Variants in ATRNL1 observed in about 807,000 individuals in gnomAD.
The protein encoded by ATRNL1 is attractin like 1.
ATRNL1 carries 95 observed loss-of-function variants against 182.7 expected under a neutral mutation model. That is an observed-to-expected ratio of 0.52 (90% CI 0.44 to 0.62). The LOEUF is 0.62. Ranked by LOEUF, ATRNL1 falls within the 20% of genes least tolerant of loss-of-function variation. The pLI is 0.00. For synonymous variants in ATRNL1, 576 were observed against 568.3 expected (o/e 1.01, Z -0.19); for missense variants, 1,471 against 1,679.5 (o/e 0.88, Z 2.17).
chr10:115,834,730 AC>A (rs1950631123), intron 27 of ATRNL1, among the ~76,000 whole-genome samples: 1 of 152,038 alleles, frequency 6.6e-6, no homozygotes, highest in Non-Finnish European at 1.5e-5. Flanking sequence ...GTCACCTCAC[AC>A]CTTCCCCTAC....
At chr10:115,356,987 T>G (rs1338542382) in intron 19 of ATRNL1, among the ~76,000 whole-genome samples, 9 of 151,944 alleles carry the variant, frequency 5.9e-5, no homozygotes, top group African/African-American at 1.9e-4. Context: ...GAGAAACTAT[T>G]ATTTTGTCTA....
Position 115,129,387 on chromosome 10 carries a change from T to C in ATRNL1, c.681T>C (p.Val227=). 1 of 1,614,054 alleles carries C rather than the reference T, an allele frequency of 6.2e-7. No homozygotes were observed. The highest frequency in any genetic ancestry group is 8.5e-7 in the Non-Finnish European group (1 of 1,179,904). ...GGAAGTGTACAACTAGTGTCTCTGT[T>C]CCAAGTCAAGTATATTGTGAATGTG... is the stretch of plus-strand genomic sequence containing the variant. The part of the protein sequence containing the change: ...GHGKCTTSVS[V]PSQVYCECDK... The change falls in exon 5 of 29, where the codon GTT becomes GTC. Residue 227 remains valine, a synonymous_variant. Coordinates refer to ENST00000355044, the MANE Select transcript of ATRNL1 (RefSeq NM_207303.4).
intron 19 of ATRNL1, among the ~76,000 whole-genome samples, chr10:115,342,603 G>T (rs1468135769): frequency 1.3e-5 from 2 of 152,102 alleles, no homozygotes; most frequent in Non-Finnish European, 2.9e-5. Flanking sequence ...GTCTTTCTAT[G>T]TAGGATAAGA....
In ATRNL1 at chr10:115,882,284, T is replaced by C. The variant is rs150095507; in HGVS notation, c.4018+34293T>C. On this transcript the variant is annotated intron_variant, in intron 28 of 28. Transcript: ENST00000355044. ...GCAGGGTGCCCACACTAGTTAGGGG[T>C]GTGGCGGGCTTTGGGAGAAAGGCTG... Among the ~76,000 whole-genome samples the C allele has an allele frequency of 3.7e-3, 569 of 152,120 alleles. 4 individuals carry two copies. Among genetic ancestry groups the C allele is most frequent in the African/African-American group, 0.012 (516 of 41,508 alleles).
intron 27 of ATRNL1, among the ~76,000 whole-genome samples, chr10:115,738,261 CAGT>C (rs10546897): frequency 0.95 from 142,654 of 150,076 alleles, 68,217 homozygotes; most frequent in East Asian, 1. Context: ...GCCTCAGCCC[CAGT>C]CTGTAGCTGG....
At chr10:115,847,010 C>CTAT (rs1310095032) in intron 27 of ATRNL1, among the ~76,000 whole-genome samples, 11 of 151,864 alleles carry the variant, frequency 7.2e-5, no homozygotes, top group Non-Finnish European at 1.2e-4. Flanking sequence ...CTAGCTATTA[C>CTAT]TATTATTATT....
chr10:115,433,743 A>T (rs1264238314), intron 21 of ATRNL1, among the ~76,000 whole-genome samples: 1 of 152,222 alleles, frequency 6.6e-6, no homozygotes, highest in African/African-American at 2.4e-5. Context: ...AAGGAAAAAA[A>T]TTGCTATTAA....
At chr10:115,587,952 A>T (rs1324292482) in intron 26 of ATRNL1, among the ~76,000 whole-genome samples, 1 of 152,210 alleles carries the variant, frequency 6.6e-6, no homozygotes, top group Non-Finnish European at 1.5e-5. Flanking sequence ...TTAAATGAAA[A>T]AAAGGAGAAA....
chr10:115,910,430 CCT>C (rs2134520550), intron 28 of ATRNL1, among the ~76,000 whole-genome samples: 1 of 152,236 alleles, frequency 6.6e-6, no homozygotes, highest in Non-Finnish European at 1.5e-5. Flanking sequence ...GCCCTGTCAC[CCT>C]GTCACACCTC....
rs531192843 is a variant in ATRNL1, at chr10:115,902,382, C to T, written c.4019-42276C>T. 6.6e-5 allele frequency among the ~76,000 whole-genome samples: 10 copies of T among 152,002 alleles called. No individual in the cohort carries two copies. The South Asian group carries it at 1.0e-3, about 16-fold the overall frequency. ...TAAAAAAAAATGTTTTTTTAAAAGC[C>T]GCATAGTGTGGATGGCCAAAATTTA... On this transcript the variant is annotated intron_variant, in intron 28 of 28. Coordinates refer to ENST00000355044, the MANE Select transcript of ATRNL1 (RefSeq NM_207303.4).
chr10:115,530,126 T>G (rs2133741972), intron 25 of ATRNL1, among the ~76,000 whole-genome samples: 1 of 152,288 alleles, frequency 6.6e-6, no homozygotes. Context: ...CTCTATTAGT[T>G]GATGGTTATT....
At chr10:115,222,884 C>T (rs554717006) in intron 9 of ATRNL1, among the ~76,000 whole-genome samples, 2 of 152,132 alleles carry the variant, frequency 1.3e-5, no homozygotes, top group Non-Finnish European at 2.9e-5. Flanking sequence ...AAATGACTAT[C>T]ATATAAAGCT....
chr10:115,465,824 C>T (rs1240499100), intron 22 of ATRNL1, among the ~76,000 whole-genome samples: 1 of 151,542 alleles, frequency 6.6e-6, no homozygotes, highest in Non-Finnish European at 1.5e-5. Context: ...CTTATTATAA[C>T]AAATTTTATT....
At chr10:115,697,477 C>T (rs572204228) in intron 26 of ATRNL1, among the ~76,000 whole-genome samples, 1 of 152,128 alleles carries the variant, frequency 6.6e-6, no homozygotes, top group East Asian at 1.9e-4. Flanking sequence ...AGATACATAC[C>T]ACCACACCCA....
At chr10:115,797,349 A>T (rs1185628747) in intron 27 of ATRNL1, among the ~76,000 whole-genome samples, 1 of 152,052 alleles carries the variant, frequency 6.6e-6, no homozygotes, top group Non-Finnish European at 1.5e-5. Flanking sequence ...GGCCTTTCGA[A>T]TAGTGTTTTT....
intron 5 of ATRNL1, among the ~76,000 whole-genome samples, chr10:115,148,844 G>A (rs1356438840): frequency 6.7e-6 from 1 of 148,320 alleles, no homozygotes; most frequent in Non-Finnish European, 1.5e-5. Flanking sequence ...CCTCCTCCCA[G>A]GTTCAAGTGA....
chr10:115,825,235 A>G (rs1555091638), intron 27 of ATRNL1, among the ~76,000 whole-genome samples: 2 of 152,094 alleles, frequency 1.3e-5, no homozygotes, highest in African/African-American at 2.4e-5. Context: ...GAACAATGAG[A>G]ACACAAGGAT....
chr10:115,671,489 A>G (rs1258467767), intron 26 of ATRNL1, among the ~76,000 whole-genome samples: 1 of 152,140 alleles, frequency 6.6e-6, no homozygotes, highest in Non-Finnish European at 1.5e-5. Flanking sequence ...TAGCATTCCA[A>G]TGATGATTCG....
At chr10:115,364,688 C>A (rs1392483095) in intron 19 of ATRNL1, among the ~76,000 whole-genome samples, 1 of 151,240 alleles carries the variant, frequency 6.6e-6, no homozygotes. Context: ...TTTTGAGATA[C>A]ATCCCATCAA....
Sources: allele counts gnomAD v4.1 joint callset (sites outside exome capture counted in the v4.1 genomes callset), GRCh38; gene constraint gnomAD v4.1.1; transcripts MANE v1.5; gene names NCBI Gene and HGNC (gene_info 2026-07-23, HGNC 2026-07-21).